The following ELOA variants were observed in gnomAD, a reference collection of about 807,000 sequenced individuals.
ELOA encodes elongin-A.
Under a neutral mutation model 85.2 loss-of-function variants are expected in ELOA, and 15 were observed. The ratio of observed to expected loss-of-function variants is 0.18; its 90% CI spans 0.12 to 0.27. ELOA has a LOEUF of 0.27. ELOA is among the 10% of genes least tolerant of loss of function. The pLI is 1.00. For missense variants in ELOA, 769 were observed against 952.7 expected (o/e 0.81, Z 2.54); for synonymous variants, 348 against 357.2 (o/e 0.97, Z 0.29).
intron 10 of ELOA, among the ~76,000 whole-genome samples, chr1:23,758,466 G>T (rs1278183550): frequency 3.4e-5 from 5 of 148,658 alleles, no homozygotes; most frequent in African/African-American, 9.9e-5. Context: ...GTAGACACGG[G>T]GTTTCACCAT....
At chr1:23,743,707 G>A in intron 1 of ELOA, 129 bp downstream of exon 1, 1 of 1,159,546 alleles carries the variant, frequency 8.6e-7, no homozygotes. Context: ...CTGGGGTCGT[G>A]AAGTTCGCGG....
chr1:23,746,510 G>A (rs972442511), intron 1 of ELOA, among the ~76,000 whole-genome samples: 1 of 146,060 alleles, frequency 6.8e-6, no homozygotes, highest in Non-Finnish European at 1.5e-5. Flanking sequence ...GGGAGGCTGA[G>A]ACAGGAGAAT....
At position 23,751,228 on chromosome 1, in the gene ELOA, A is replaced by G. The variant is rs1162483199; in HGVS notation, c.623A>G (p.Gln208Arg). ...GACCAGGAGCCCATTGTTTCACACC[A>G]GAAGCCTGGGAAAGGCCACAGCAAT... ...EEDQEPIVSHQKPGKGHSNAF... is the reference protein window; with the variant it reads ...EEDQEPIVSHRKPGKGHSNAF... The change falls in exon 4 of 11, where the codon CAG (glutamine) becomes CGG (arginine). Residue 208 changes from glutamine to arginine, a missense_variant. Transcript: ENST00000613537. 3 of 1,614,270 alleles carry G rather than the reference A, an allele frequency of 1.9e-6. No individual in the cohort carries two copies. The highest frequency in any genetic ancestry group is 3.3e-5 in the Admixed American group (2 of 60,036).
rs1358651795 is a variant in ELOA, at chr1:23,751,277, C to A, written c.672C>A (p.Ala224=). The A allele has an allele frequency of 1.2e-6, 2 of 1,614,198 alleles. No individual in the cohort carries two copies. The highest frequency in any genetic ancestry group is 2.2e-5 in the South Asian group (2 of 91,074). Residue 224 remains alanine (A), a synonymous_variant, in exon 4 of 11, where the codon GCC becomes GCA. Coordinates refer to ENST00000613537, the MANE Select transcript of ELOA (RefSeq NM_003198.3). ...HSNAFQDRLG[A]SQERHLGEPH... ...ATGCCTTTCAGGACAGACTCGGGGC[C>A]AGCCAAGAACGACACCTGGGTGAAC...
intron 1 of ELOA, 99 bp downstream of exon 1, chr1:23,743,677 C>T (rs1336146005): frequency 7.7e-7 from 1 of 1,299,742 alleles, no homozygotes; most frequent in Non-Finnish European, 9.9e-7. Flanking sequence ...GGCTGGGACC[C>T]TGAGCCAGGC....
rs932914726 is a variant in ELOA, at chr1:23,751,806, G to A, written c.1201G>A (p.Glu401Lys). The change falls in exon 4 of 11, where the codon GAG becomes AAG. Residue 401 changes from glutamate to lysine, a missense_variant. Physicochemically the swap from Glu to Lys is moderately conservative, Grantham distance 56. This residue lies in a region of ELOA where 193 missense variants were observed against 278.9 expected (regional missense o/e 0.69). Coordinates refer to ENST00000613537, the MANE Select transcript of ELOA (RefSeq NM_003198.3). ...VEETDMEDEF[E>K]QPTMSFESYL... Reference sequence around the variant, plus strand: ...GGAGACAGATATGGAGGATGAATTCGAGCAGCCAACCATGTCTTTTGAATC... The same window carrying A: ...GGAGACAGATATGGAGGATGAATTCAAGCAGCCAACCATGTCTTTTGAATC... 7 of 1,614,102 alleles carry A rather than the reference G, an allele frequency of 4.3e-6. No individual in the cohort carries two copies. The highest frequency in any genetic ancestry group is 2.7e-5 in the African/African-American group (2 of 75,028).
At position 23,751,895 on chromosome 1, in the gene ELOA, A is replaced by C; in HGVS notation, c.1290A>C (p.Ala430=). Residue 430 remains alanine, a synonymous_variant, in exon 4 of 11, where the codon GCA becomes GCC. Transcript: ENST00000613537. ...KKKIVKTSAT[A]LGDKGLKKND... Reference sequence around the variant, plus strand: ...AGATTGTGAAAACTTCAGCCACGGCACTTGGAGATAAAGGACTTAAAAAAA... The same window carrying C: ...AGATTGTGAAAACTTCAGCCACGGCCCTTGGAGATAAAGGACTTAAAAAAA... The C allele has an allele frequency of 1.9e-6, 3 of 1,614,000 alleles. No homozygotes were observed. Among genetic ancestry groups the C allele is most frequent in the African/African-American group, 1.3e-5 (1 of 75,034 alleles).
At chr1:23,753,375 T>C (rs1490500429) in intron 5 of ELOA, among the ~76,000 whole-genome samples, 1 of 152,192 alleles carries the variant, frequency 6.6e-6, no homozygotes, top group Non-Finnish European at 1.5e-5. Flanking sequence ...AATTCAGAAG[T>C]GATGCCTTTT....
intron 10 of ELOA, among the ~76,000 whole-genome samples, chr1:23,758,272 T>TTTA (rs1557456770): frequency 1.0e-5 from 1 of 99,970 alleles, no homozygotes; most frequent in African/African-American, 3.9e-5. Flanking sequence ...TTTTTTTTTT[T>TTTA]TTTTTTTTTT....
chr1:23,751,002 CAT>C lies in ELOA; in HGVS notation c.399_400del (p.His133GlnfsTer17), dbSNP rs1448915868. ...TAGCCCTGACCACAGGCAGAAGAAA[CAT>C]AGGAAACTCTCGGAGCTCGAGAGAC... ...SYSPDHRQKKHRKLSELERPH... is the reference protein window; with the variant it reads ...SYSPDHRQKKXRKLSELERPH... On this transcript the variant is annotated frameshift_variant, in exon 4 of 11. Transcript: ENST00000613537. LOFTEE classifies it high-confidence loss of function. 1 of 1,613,898 alleles carries C rather than the reference CAT, an allele frequency of 6.2e-7. No homozygotes were observed. Among genetic ancestry groups the C allele is most frequent in the African/African-American group, 1.3e-5 (1 of 74,904 alleles).
At chr1:23,754,796 G>A (rs1644787263) in intron 7 of ELOA, among the ~76,000 whole-genome samples, 1 of 152,130 alleles carries the variant, frequency 6.6e-6, no homozygotes, top group Non-Finnish European at 1.5e-5. Context: ...ACTTTGTGTT[G>A]ACACTCTGAC....
intron 5 of ELOA, among the ~76,000 whole-genome samples, chr1:23,753,542 A>G (rs960050706): frequency 6.6e-6 from 1 of 152,056 alleles, no homozygotes. Context: ...GTCTATCAGC[A>G]GGAGACTAAC....
chr1:23,757,454 A>T (rs1386904880), intron 10 of ELOA, among the ~76,000 whole-genome samples: 2 of 152,176 alleles, frequency 1.3e-5, no homozygotes, highest in Admixed American at 6.5e-5. Flanking sequence ...ATTAAAAAAT[A>T]GGGCATAGTG....
rs372586387 is a variant in ELOA at position 23,747,394 on chromosome 1, A to G, written c.76-1627A>G. Among the ~76,000 whole-genome samples, 15 of 152,334 alleles carry G rather than the reference A, an allele frequency of 9.8e-5. No individual in the cohort carries two copies. In the South Asian group the frequency reaches 1.2e-3, roughly 13 times the overall value. ...TAACCTGATTGGGTTCAGTTGCAATATCTGTCAAATGGGGAGAATAACATC... is the reference window on the plus strand; with the variant it reads ...TAACCTGATTGGGTTCAGTTGCAATGTCTGTCAAATGGGGAGAATAACATC... On this transcript the variant is annotated intron_variant, in intron 1 of 10. Coordinates refer to ENST00000613537, the MANE Select transcript of ELOA (RefSeq NM_003198.3).
At chr1:23,752,541 T>C (rs1557454329) in intron 5 of ELOA, 23 bp downstream of exon 5, 3 of 1,601,438 alleles carry the variant, frequency 1.9e-6, no homozygotes, top group South Asian at 1.1e-5. Context: ...ATCTTCTTTT[T>C]CTTAATGGGA....
intron 5 of ELOA, 55 bp from the exon 6 acceptor site, chr1:23,754,042 TAGA>T (rs1262451401): frequency 6.3e-7 from 1 of 1,588,650 alleles, no homozygotes; most frequent in South Asian, 1.1e-5. Context: ...CTGAAGGGGG[TAGA>T]AGGAGAGTTT....
chr1:23,746,804 C>G (rs942642275), intron 1 of ELOA, among the ~76,000 whole-genome samples: 1 of 152,086 alleles, frequency 6.6e-6, no homozygotes, highest in Non-Finnish European at 1.5e-5. Context: ...TGCCTGTTAC[C>G]AGTTCTTACA....
In ELOA at chr1:23,754,467, A is replaced by T. The variant is rs754365356; in HGVS notation, c.1791+7A>T. ...CATAGAGGAATACAATCATGTGAGT[A>T]TTCTGTTTGGGTGGGAAGAGGGCAG... is the stretch of plus-strand genomic sequence containing the variant. On this transcript the variant is annotated splice_region_variant and intron_variant, in intron 7 of 10. Coordinates refer to ENST00000613537, the MANE Select transcript of ELOA (RefSeq NM_003198.3). 3 of 1,612,648 alleles carry T rather than the reference A, an allele frequency of 1.9e-6. No homozygotes were observed. Among genetic ancestry groups the T allele is most frequent in the East Asian group, 4.5e-5 (2 of 44,864 alleles).
In ELOA at chr1:23,751,180, A is replaced by T; in HGVS notation, c.575A>T (p.Asp192Val). Residue 192 changes from aspartate (D) to valine (V), a missense_variant, in exon 4 of 11, where the codon GAC (aspartate) becomes GTC (valine). This residue lies in a region of ELOA where 440 missense variants were observed against 474.0 expected (regional missense o/e 0.93). Transcript: ENST00000613537. ...SCTSPHQMYV[D>V]HYRSLEEDQE... ...ACCAGTCCTCATCAGATGTACGTCG[A>T]CCACTACAGATCCCTGGAGGAGGAC... 6.2e-7 allele frequency: 1 copy of T among 1,614,170 alleles called. No individual in the cohort carries two copies. The highest frequency in any genetic ancestry group is 2.2e-5 in the East Asian group (1 of 44,886).
Sources: gnomAD v4.1 joint callset for allele counts (sites outside exome capture counted in the v4.1 genomes callset) on GRCh38, gnomAD v4.1.1 for gene constraint, gnomAD v4.1.1 regional missense constraint, MANE v1.5 for transcripts, NCBI Gene and HGNC (gene_info 2026-07-23, HGNC 2026-07-21) for gene names.